RIF1: variants seen among roughly 807,000 people sequenced by gnomAD.
RIF1 encodes the protein replication timing regulatory factor 1, also known as telomere-associated protein RIF1.
RIF1 carries 45 observed loss-of-function variants against 247.1 expected under a neutral mutation model. The ratio of observed to expected loss-of-function variants is 0.18; its 90% CI spans 0.14 to 0.23. RIF1 has a LOEUF of 0.23. RIF1 is among the 10% of genes least tolerant of loss of function. The probability of loss-of-function intolerance (pLI) is 1.00; values close to 1 mark genes in which losing one functional copy is unlikely to be tolerated. For missense variants in RIF1, 2,967 were observed against 2,862.5 expected, an observed-to-expected ratio of 1.04 and a Z score of -0.83; for synonymous variants, 1,087 against 978.8, an observed-to-expected ratio of 1.11 and a Z score of -2.06.
intron 9 of RIF1, among the ~76,000 whole-genome samples, chr2:151,430,424 C>T (rs536881913): frequency 3.6e-4 from 55 of 152,060 alleles, no homozygotes; most frequent in African/African-American, 1.0e-3. Context: ...CAAGTTCAAG[C>T]GATTCTCCTG....
At chr2:151,440,220 A>G in intron 15 of RIF1, 93 bp downstream of exon 15, 1 of 717,412 alleles carries the variant, frequency 1.4e-6, no homozygotes. Flanking sequence ...GTTTGGGAAG[A>G]CTTTTTTATA....
rs759568485 is a variant in RIF1 at position 151,496,317 on chromosome 2, C to T, written c.*513+991C>T. ...TGATTGTGTTTGACTCGCTCCATCT[C>T]GGGAGTGACAGCTAAAGGAGTTCCC... On this transcript the variant is annotated intron_variant and NMD_transcript_variant, in intron 10 of 13. Transcript: ENST00000454583. 1.5e-5 allele frequency: 24 copies of T among 1,612,122 alleles called. No homozygotes were observed. The highest frequency in any genetic ancestry group is 2.0e-5 in the Non-Finnish European group (23 of 1,179,084).
At chr2:151,450,512 A>T (rs1330220157) in intron 20 of RIF1, among the ~76,000 whole-genome samples, 4 of 151,926 alleles carry the variant, frequency 2.6e-5, no homozygotes, top group African/African-American at 9.7e-5. Flanking sequence ...CTTAAATTCT[A>T]CTAGCTTGAA....
At chr2:151,516,523 G>A in the RIF1 span, 2 of 1,613,184 alleles carry the variant, frequency 1.2e-6, no homozygotes, top group South Asian at 2.2e-5. Flanking sequence ...GTCCAGCATG[G>A]GTTTTCCTCG....
intron 13 of RIF1, chr2:151,507,698 G>C (rs1377310883): frequency 3.4e-6 from 1 of 296,702 alleles, no homozygotes; most frequent in East Asian, 6.2e-5. Flanking sequence ...TAAATTGTGT[G>C]TCTCTCTTGT....
chr2:151,473,818 G>T, intron 34 of RIF1, 146 bp from the exon 35 acceptor site: 1 of 635,546 alleles, frequency 1.6e-6, no homozygotes, highest in Non-Finnish European at 2.8e-6. Flanking sequence ...TTTCTTAGCA[G>T]TATTAGCTCT....
chr2:151,445,812 T>C (rs1327925941), intron 19 of RIF1, among the ~76,000 whole-genome samples: 3 of 152,236 alleles, frequency 2.0e-5, no homozygotes, highest in Non-Finnish European at 4.4e-5. Context: ...GTGCTGGGAT[T>C]ACAGGCGTGA....
chr2:151,443,523 G>T lies in RIF1; in HGVS notation c.1806-6G>T. On this transcript the variant is annotated splice_region_variant and splice_polypyrimidine_tract_variant and intron_variant, in intron 17 of 35. Transcript: ENST00000444746. Reference sequence around the variant, plus strand: ...GTTGATGCATTTTTTATAATTTTTTGTTCAGGTTCTTTCTCAGTTTGGAAT... The same window carrying T: ...GTTGATGCATTTTTTATAATTTTTTTTTCAGGTTCTTTCTCAGTTTGGAAT... The T allele has an allele frequency of 6.5e-7, 1 of 1,547,468 alleles. No individual in the cohort carries two copies. The highest frequency in any genetic ancestry group is 8.7e-7 in the Non-Finnish European group (1 of 1,154,616).
the RIF1 span, chr2:151,518,435 C>G: frequency 1.9e-6 from 3 of 1,541,862 alleles, no homozygotes; most frequent in African/African-American, 4.1e-5. Context: ...GAGGGGAAGG[C>G]GGCAAAAAAG....
At chr2:151,458,072 C>T in intron 24 of RIF1, 109 bp downstream of exon 24, 1 of 711,748 alleles carries the variant, frequency 1.4e-6, no homozygotes, top group South Asian at 2.0e-5. Flanking sequence ...ACAGAGGATT[C>T]CTTAGTTGAA....
chr2:151,465,551 T>G lies in RIF1; in HGVS notation c.6031T>G (p.Ser2011Ala), dbSNP rs930534016. ...GGNDVSDLHS[S>A]EETNTKMKNN... is the part of the protein sequence containing the mutation. ...AAATGATGTATCTGATCTACACTCATCTGAAGAAACGAATACCAAAATGAA... is the reference window on the plus strand; with the variant it reads ...AAATGATGTATCTGATCTACACTCAGCTGAAGAAACGAATACCAAAATGAA... Residue 2011 changes from serine to alanine, a missense_variant, in exon 30 of 36, where the codon TCT (serine) becomes GCT (alanine). Transcript: ENST00000444746. 4.3e-6 allele frequency: 7 copies of G among 1,613,826 alleles called. No individual in the cohort carries two copies. Among genetic ancestry groups the G allele is most frequent in the Non-Finnish European group, 5.9e-6 (7 of 1,179,954 alleles).
the RIF1 span, among the ~76,000 whole-genome samples, chr2:151,518,030 C>T: frequency 1.3e-5 from 2 of 152,142 alleles, no homozygotes; most frequent in South Asian, 2.1e-4. Flanking sequence ...GGGCACAAAC[C>T]CATGGGGCAC....
chr2:151,432,980 C>A, intron 9 of RIF1, 97 bp from the exon 10 acceptor site: 1 of 910,138 alleles, frequency 1.1e-6, no homozygotes, highest in Non-Finnish European at 1.6e-6. Flanking sequence ...TTTTAAAATA[C>A]GTTCTCTTGC....
At position 151,478,208 on chromosome 2, in the gene RIF1, A is replaced by G. The variant is rs138401505; in HGVS notation, c.*3137A>G. ...AATAATGCTGTTGGATAATACAGGC[A>G]AAAACAGGATTTAAACCCGCACATT... On this transcript the variant is annotated 3_prime_UTR_variant, in exon 36 of 36. Transcript: ENST00000444746. 7 of 152,362 alleles carry G rather than the reference A, an allele frequency of 4.6e-5. No homozygotes were observed. Among genetic ancestry groups the G allele is most frequent in the African/African-American group, 1.4e-4 (6 of 41,588 alleles). The allele number at this position is 152,362 out of a possible 1,614,324, so 9.4% of individuals were successfully genotyped here.
chr2:151,484,320 G>C (rs1011725165), downstream of RIF1, among the ~76,000 whole-genome samples: 14 of 152,258 alleles, frequency 9.2e-5, no homozygotes, highest in Non-Finnish European at 1.8e-4. Context: ...GCCAGGCCAG[G>C]TCCAGTGGCT....
At chr2:151,411,362 T>G in intron 3 of RIF1, 24 bp downstream of exon 3, 2 of 1,448,940 alleles carry the variant, frequency 1.4e-6, no homozygotes, top group African/African-American at 1.4e-5. Flanking sequence ...TGTTAAACAG[T>G]TTTTCACTTT....
Position 151,462,152 on chromosome 2 carries a change from C to T in RIF1, c.3228-90C>T, listed in dbSNP as rs575043000. On this transcript the variant is annotated intron_variant, in intron 27 of 35. Coordinates refer to ENST00000444746, the MANE Select transcript of RIF1 (RefSeq NM_018151.5). ...CCTCCCAAAGTGCTGGGATTACAGG[C>T]GTGAGCCACCGTACCTGGCCATAAG... The T allele has an allele frequency of 7.3e-6, 6 of 823,488 alleles. No homozygotes were observed. In the Admixed American group the frequency reaches 9.9e-5, roughly 14 times the overall value. The allele number at this position is 823,488 out of a possible 1,614,324, so 51.0% of individuals were successfully genotyped here.
rs762567301 is a variant in RIF1, at chr2:151,416,562, G to C, written c.282G>C (p.Glu94Asp). Residue 94 changes from glutamate to aspartate, a missense_variant and splice_region_variant, in exon 5 of 36, where the codon GAG becomes GAC. By Grantham distance (45) the Glu-to-Asp change is conservative. This residue lies in a region of RIF1 where 269 missense variants were observed against 288.6 expected (regional missense o/e 0.93). Coordinates refer to ENST00000444746, the MANE Select transcript of RIF1 (RefSeq NM_018151.5). ...YNPKITSELS[E>D]ANALELLSKL... ...AAATTAAAACTGCTTGTTTTTCAGAGGCAAATGCTCTAGAATTGCTTTCAA... is the reference window on the plus strand; with the variant it reads ...AAATTAAAACTGCTTGTTTTTCAGACGCAAATGCTCTAGAATTGCTTTCAA... 6.3e-7 allele frequency: 1 copy of C among 1,589,220 alleles called. No homozygotes were observed. The highest frequency in any genetic ancestry group is 1.2e-5 in the South Asian group (1 of 86,574).
chr2:151,424,825 ATTTTTTTTTTTT>A (rs71000475), intron 8 of RIF1, among the ~76,000 whole-genome samples: 70 of 47,286 alleles, frequency 1.5e-3, no homozygotes, highest in East Asian at 4.7e-3. Context: ...AGCCCGGCTG[ATTTTTTTTTTTT>A]TTTTTTTTTT....
Sources: allele counts gnomAD v4.1 joint callset (sites outside exome capture counted in the v4.1 genomes callset), GRCh38; gene constraint gnomAD v4.1.1; regional missense constraint gnomAD v4.1.1; transcripts MANE v1.5; gene names NCBI Gene and HGNC (gene_info 2026-07-23, HGNC 2026-07-21).